The following PTPRD variants were observed in gnomAD, a reference collection of about 807,000 sequenced individuals.
PTPRD encodes the protein receptor-type tyrosine-protein phosphatase delta.
PTPRD carries 34 observed loss-of-function variants against 214.5 expected under a neutral mutation model. The observed-to-expected ratio is 0.16, with a 90% CI of 0.12 to 0.21. PTPRD has a LOEUF of 0.21. Ranked by LOEUF, PTPRD falls within the 10% of genes least tolerant of loss-of-function variation. PTPRD has a pLI of 1.00. For synonymous variants in PTPRD, 1,128 were observed against 845.7 expected (o/e 1.33, Z -5.79); for missense variants, 2,545 against 2,398.7 (o/e 1.06, Z -1.27).
intron 9 of PTPRD, among the ~76,000 whole-genome samples, chr9:9,225,875 C>T (rs987684653): frequency 2.6e-5 from 4 of 151,958 alleles, no homozygotes; most frequent in Admixed American, 2.6e-4. Flanking sequence ...CATATTGATG[C>T]ATCTCATTCA....
At chr9:9,026,068 CAG>C (rs1210634596) in intron 10 of PTPRD, among the ~76,000 whole-genome samples, 3 of 151,756 alleles carry the variant, frequency 2.0e-5, no homozygotes, top group Admixed American at 1.3e-4. Context: ...AAAAATAAAA[CAG>C]GGTATTGTGG....
intron 2 of PTPRD, among the ~76,000 whole-genome samples, chr9:10,498,404 G>C (rs1383974774): frequency 1.3e-5 from 2 of 151,872 alleles, no homozygotes; most frequent in Non-Finnish European, 2.9e-5. Context: ...TTAACTGTTA[G>C]CTTTATTGGC....
At chr9:9,898,067 G>C (rs1222347527) in intron 5 of PTPRD, among the ~76,000 whole-genome samples, 1 of 152,044 alleles carries the variant, frequency 6.6e-6, no homozygotes, top group Non-Finnish European at 1.5e-5. Context: ...GTAATAGTAA[G>C]AATATCTTCA....
At chr9:10,129,607 G>A in intron 3 of PTPRD, among the ~76,000 whole-genome samples, 1 of 148,558 alleles carries the variant, frequency 6.7e-6, no homozygotes, top group East Asian at 2.0e-4. Context: ...ATAAATGCTA[G>A]TGACAACCAG....
At chr9:9,895,566 G>C (rs1490178617) in intron 5 of PTPRD, among the ~76,000 whole-genome samples, 3 of 152,004 alleles carry the variant, frequency 2.0e-5, no homozygotes, top group African/African-American at 7.2e-5. Context: ...GACTACAATG[G>C]TGATAACCAG....
At chr9:8,573,679 T>C (rs1231355514) in intron 14 of PTPRD, among the ~76,000 whole-genome samples, 2 of 151,940 alleles carry the variant, frequency 1.3e-5, no homozygotes, top group Non-Finnish European at 2.9e-5. Context: ...ATAAAAATGA[T>C]AAAAAATATT....
intron 2 of PTPRD, among the ~76,000 whole-genome samples, chr9:10,550,777 G>C (rs2131073368): frequency 6.6e-6 from 1 of 152,340 alleles, no homozygotes; most frequent in African/African-American, 2.4e-5. Flanking sequence ...CTCAGCTTCA[G>C]CTCTTCTGAA....
intron 11 of PTPRD, among the ~76,000 whole-genome samples, chr9:8,922,459 G>A (rs1475716069): frequency 1.3e-5 from 2 of 152,100 alleles, no homozygotes; most frequent in Non-Finnish European, 1.5e-5. Flanking sequence ...AGAATACAAA[G>A]GTCATCAGGG....
chr9:9,898,365 T>C (rs1259992222), intron 5 of PTPRD, among the ~76,000 whole-genome samples: 2 of 152,106 alleles, frequency 1.3e-5, no homozygotes, highest in East Asian at 3.9e-4. Flanking sequence ...ACATACATGG[T>C]AATGATGCCT....
At chr9:9,032,677 G>A (rs2099609454) in intron 10 of PTPRD, among the ~76,000 whole-genome samples, 1 of 152,052 alleles carries the variant, frequency 6.6e-6, no homozygotes, top group Admixed American at 6.6e-5. Flanking sequence ...GTGCTCTGCT[G>A]GGAAGAACTT....
intron 5 of PTPRD, among the ~76,000 whole-genome samples, chr9:9,844,959 T>A: frequency 6.6e-6 from 1 of 150,656 alleles, no homozygotes; most frequent in Non-Finnish European, 1.5e-5. Context: ...CTATTTTAAG[T>A]CTATATGCAA....
chr9:8,939,629 T>C (rs993775118), intron 11 of PTPRD, among the ~76,000 whole-genome samples: 2 of 152,162 alleles, frequency 1.3e-5, no homozygotes. Context: ...CTGCAAATCT[T>C]TCCAAATCTA....
chr9:9,883,916 G>T (rs764910513), intron 5 of PTPRD, among the ~76,000 whole-genome samples: 8 of 152,028 alleles, frequency 5.3e-5, no homozygotes, highest in Non-Finnish European at 1.0e-4. Context: ...GTAGCTCCTG[G>T]AAAGTCAAGC....
intron 9 of PTPRD, among the ~76,000 whole-genome samples, chr9:9,368,705 A>C (rs1180112172): frequency 6.6e-6 from 1 of 151,840 alleles, no homozygotes; most frequent in Non-Finnish European, 1.5e-5. Flanking sequence ...GGGTAGGAAA[A>C]ATATTCCTAT....
intron 8 of PTPRD, among the ~76,000 whole-genome samples, chr9:9,567,507 C>A (rs921542937): frequency 6.6e-6 from 1 of 151,926 alleles, no homozygotes; most frequent in South Asian, 2.1e-4. Flanking sequence ...TAAGCAATCA[C>A]CTGTTTAATT....
intron 5 of PTPRD, among the ~76,000 whole-genome samples, chr9:9,767,556 G>C (rs1293556812): frequency 6.6e-6 from 1 of 151,984 alleles, no homozygotes; most frequent in African/African-American, 2.4e-5. Flanking sequence ...TAAAGGCACA[G>C]ATTATCTAAA....
chr9:10,364,052 T>C (rs2097460006), intron 2 of PTPRD, among the ~76,000 whole-genome samples: 1 of 127,566 alleles, frequency 7.8e-6, no homozygotes, highest in South Asian at 2.7e-4. Flanking sequence ...CAGGCTGGAG[T>C]GCAGTGACGT....
At chr9:9,299,802 A>G (rs1954560162) in intron 9 of PTPRD, among the ~76,000 whole-genome samples, 1 of 151,392 alleles carries the variant, frequency 6.6e-6, no homozygotes, top group Non-Finnish European at 1.5e-5. Flanking sequence ...GGGATGAGGG[A>G]AAAGACACAT....
chr9:8,754,888 G>C (rs1346743143), intron 11 of PTPRD, among the ~76,000 whole-genome samples: 2 of 152,106 alleles, frequency 1.3e-5, no homozygotes, highest in Admixed American at 6.6e-5. Context: ...ATGGGGTGGA[G>C]ATAAAAGCCT....
Sources: allele counts gnomAD v4.1 joint callset (sites outside exome capture counted in the v4.1 genomes callset), GRCh38; gene constraint gnomAD v4.1.1; transcripts MANE v1.5; gene names NCBI Gene and HGNC (gene_info 2026-07-23, HGNC 2026-07-21).